The following SLC44A1 variants were observed in gnomAD, a reference collection of about 807,000 sequenced individuals.
SLC44A1 encodes solute carrier family 44 member 1, also known as choline transporter-like protein 1.
In SLC44A1, 26 loss-of-function variants were observed where a neutral mutation model predicts 79.3. The ratio of observed to expected loss-of-function variants is 0.33; its 90% CI spans 0.24 to 0.46. SLC44A1 has a LOEUF of 0.46. Ranked by LOEUF, SLC44A1 falls within the 20% of genes least tolerant of loss-of-function variation. SLC44A1 has a pLI of 1.00. For synonymous variants in SLC44A1, 263 were observed against 286.2 expected (o/e 0.92, Z 0.82); for missense variants, 688 against 798.1 (o/e 0.86, Z 1.66).
At chr9:105,300,050 A>G in intron 2 of SLC44A1, 1 of 476,458 alleles carries the variant, frequency 2.1e-6, no homozygotes, top group Non-Finnish European at 2.7e-6. Flanking sequence ...GAAAAAACAT[A>G]GAAAACTGCT....
rs1419467143 is a variant in SLC44A1 at position 105,244,655 on chromosome 9, G to C, written c.-214G>C. The C allele has an allele frequency of 4.1e-6, 1 of 245,396 alleles. No individual in the cohort carries two copies. The highest frequency in any genetic ancestry group is 2.3e-5 in the African/African-American group (1 of 43,202). The allele number at this position is 245,396 out of a possible 1,614,324, so 15.2% of individuals were successfully genotyped here. On this transcript the variant is annotated 5_prime_UTR_variant, in exon 1 of 16. Transcript: ENST00000374720. ...CTGCAGCAGGAGCAGAGCAGGAGAC[G>C]CGTAGCCGCCGTCGCCGCCGCCGGG...
intron 1 of SLC44A1, among the ~76,000 whole-genome samples, chr9:105,284,063 C>T (rs1232994076): frequency 6.6e-6 from 1 of 152,144 alleles, no homozygotes; most frequent in Non-Finnish European, 1.5e-5. Context: ...TTCTAGGACC[C>T]TTTCCCCAAC....
At chr9:105,423,003 T>C (rs1247047977) in intron 15 of SLC44A1, among the ~76,000 whole-genome samples, 1 of 152,148 alleles carries the variant, frequency 6.6e-6, no homozygotes, top group Non-Finnish European at 1.5e-5. Context: ...TGGGACATAG[T>C]AGGTACTTAT....
At chr9:105,282,292 A>G (rs1239248890) in intron 1 of SLC44A1, among the ~76,000 whole-genome samples, 1 of 151,540 alleles carries the variant, frequency 6.6e-6, no homozygotes. Flanking sequence ...AGAGCTATTA[A>G]TTTGATGGTT....
At chr9:105,344,743 G>A (rs1214267658) in intron 4 of SLC44A1, among the ~76,000 whole-genome samples, 5 of 152,046 alleles carry the variant, frequency 3.3e-5, no homozygotes, top group Middle Eastern at 3.2e-3. Context: ...CATAAGGTTC[G>A]AGTTCTCAAA....
At chr9:105,321,610 T>C (rs913750269) in intron 3 of SLC44A1, among the ~76,000 whole-genome samples, 5 of 152,154 alleles carry the variant, frequency 3.3e-5, no homozygotes, top group African/African-American at 1.2e-4. Context: ...GACTATAACC[T>C]GGAATGTTTA....
At chr9:105,416,181 G>GCCA (rs956930263) in intron 15 of SLC44A1, among the ~76,000 whole-genome samples, 6 of 151,900 alleles carry the variant, frequency 3.9e-5, no homozygotes, top group Non-Finnish European at 4.4e-5. Flanking sequence ...ACAGGCATGA[G>GCCA]CCACCGCACC....
At chr9:105,253,345 G>A (rs1281505512) in intron 1 of SLC44A1, among the ~76,000 whole-genome samples, 1 of 152,096 alleles carries the variant, frequency 6.6e-6, no homozygotes, top group Non-Finnish European at 1.5e-5. Flanking sequence ...ATTAAAGTTT[G>A]TTTGTTTTTG....
intron 4 of SLC44A1, among the ~76,000 whole-genome samples, chr9:105,341,005 T>G (rs1588801994): frequency 6.6e-6 from 1 of 152,212 alleles, no homozygotes. Context: ...TGCTGTCATA[T>G]TACAAAGGCT....
chr9:105,307,370 G>A lies in SLC44A1; in HGVS notation c.127-2354G>A, dbSNP rs564906548. On this transcript the variant is annotated intron_variant, in intron 2 of 15. Coordinates refer to ENST00000374720, the MANE Select transcript of SLC44A1 (RefSeq NM_080546.5). ...TTAAAACATGTGTTGGAGGCCACAC[G>A]CGGTGGCTCACGCATGTAATCCCAG... Among the ~76,000 whole-genome samples, 15 of 152,262 alleles carry A rather than the reference G, an allele frequency of 9.9e-5. No individual in the cohort carries two copies. The South Asian group carries it at 2.3e-3, about 23-fold the overall frequency.
At chr9:105,305,325 C>T (rs915479435) in intron 2 of SLC44A1, among the ~76,000 whole-genome samples, 10 of 151,766 alleles carry the variant, frequency 6.6e-5, no homozygotes, top group Non-Finnish European at 1.3e-4. Flanking sequence ...CATCCTATTA[C>T]ATTTTTTTAA....
chr9:105,418,198 C>T lies in SLC44A1; in HGVS notation c.1951-20083C>T, dbSNP rs1388884621. ...GTGTAGTGGTGCATGCCTGTAATCCCAGCTACTCTGGAGGCTGAGGCAGGA... is the reference window on the plus strand; with the variant it reads ...GTGTAGTGGTGCATGCCTGTAATCCTAGCTACTCTGGAGGCTGAGGCAGGA... On this transcript the variant is annotated intron_variant, in intron 15 of 15. Transcript: ENST00000374724. Among the ~76,000 whole-genome samples the T allele has an allele frequency of 2.0e-5, 3 of 151,534 alleles. No homozygotes were observed. The East Asian group carries it at 5.8e-4, about 30-fold the overall frequency.
chr9:105,345,430 C>T (rs10991634), intron 4 of SLC44A1, among the ~76,000 whole-genome samples: 3,701 of 152,146 alleles, frequency 0.024, 49 homozygotes, highest in Middle Eastern at 0.048. Flanking sequence ...ATCTGTAGAA[C>T]GTATGTTTTT....
At chr9:105,246,556 A>T (rs73508596) in intron 1 of SLC44A1, among the ~76,000 whole-genome samples, 29 of 152,264 alleles carry the variant, frequency 1.9e-4, no homozygotes, top group African/African-American at 6.5e-4. Context: ...TAACATATAA[A>T]GGTGTAGAAT....
At chr9:105,256,314 G>T (rs1829705249) in intron 1 of SLC44A1, among the ~76,000 whole-genome samples, 2 of 152,054 alleles carry the variant, frequency 1.3e-5, no homozygotes, top group African/African-American at 4.8e-5. Flanking sequence ...ACCCAGCCTG[G>T]TTTATATTCT....
chr9:105,299,347 T>C (rs972063116), intron 2 of SLC44A1, 38 bp downstream of exon 2: 3 of 1,397,410 alleles, frequency 2.1e-6, no homozygotes, highest in East Asian at 2.5e-5. Flanking sequence ...ACTGGACTCA[T>C]GATCCAAGGG....
At chr9:105,429,284 T>C (rs915946090) in intron 15 of SLC44A1, among the ~76,000 whole-genome samples, 2 of 152,154 alleles carry the variant, frequency 1.3e-5, no homozygotes, top group African/African-American at 4.8e-5. Flanking sequence ...TTTTCTGTAT[T>C]ACTTTAATCT....
intron 1 of SLC44A1, among the ~76,000 whole-genome samples, chr9:105,258,073 A>G (rs1187455692): frequency 1.3e-5 from 2 of 152,250 alleles, no homozygotes; most frequent in African/African-American, 2.4e-5. Context: ...TGGAGTCAAA[A>G]TAAAATAGAC....
chr9:105,301,582 A>G (rs1001022317), intron 2 of SLC44A1, among the ~76,000 whole-genome samples: 1 of 152,122 alleles, frequency 6.6e-6, no homozygotes, highest in African/African-American at 2.4e-5. Flanking sequence ...TTTGGATTTC[A>G]TTCTATAGTA....
Sources: allele counts gnomAD v4.1 joint callset (sites outside exome capture counted in the v4.1 genomes callset), GRCh38; gene constraint gnomAD v4.1.1; transcripts MANE v1.5; gene names NCBI Gene and HGNC (gene_info 2026-07-23, HGNC 2026-07-21).